Variants in CACNA2D3 observed in about 807,000 individuals in gnomAD.
CACNA2D3 encodes the protein calcium voltage-gated channel auxiliary subunit alpha2delta 3.
A neutral mutation model predicts 160.6 loss-of-function variants in CACNA2D3; 60 were observed. The ratio of observed to expected loss-of-function variants is 0.37; its 90% CI spans 0.30 to 0.46. The LOEUF (loss-of-function observed/expected upper bound fraction) is 0.46. Ranked by LOEUF, CACNA2D3 falls within the 20% of genes least tolerant of loss-of-function variation. CACNA2D3 has a pLI of 1.00. For synonymous variants in CACNA2D3, 558 were observed against 492.9 expected (o/e 1.13, Z -1.75); for missense variants, 1,205 against 1,365.0 (o/e 0.88, Z 1.85).
chr3:54,770,320 T>G (rs1257157837), intron 13 of CACNA2D3, among the ~76,000 whole-genome samples: 3 of 152,206 alleles, frequency 2.0e-5, no homozygotes, highest in Non-Finnish European at 4.4e-5. Flanking sequence ...GTTAACATCA[T>G]TCTCAAACAG....
intron 2 of CACNA2D3, among the ~76,000 whole-genome samples, chr3:54,283,134 C>T (rs1702920470): frequency 6.6e-6 from 1 of 152,174 alleles, no homozygotes; most frequent in African/African-American, 2.4e-5. Context: ...TTATAGGATA[C>T]AAATTGCAGA....
chr3:54,965,391 T>G (rs986277360), intron 27 of CACNA2D3, among the ~76,000 whole-genome samples: 36 of 152,186 alleles, frequency 2.4e-4, no homozygotes, highest in Non-Finnish European at 5.9e-5. Flanking sequence ...CCTTACTGTT[T>G]CCTCCATTTG....
intron 2 of CACNA2D3, among the ~76,000 whole-genome samples, chr3:54,202,899 G>A (rs543794355): frequency 6.6e-6 from 1 of 152,216 alleles, no homozygotes; most frequent in Non-Finnish European, 1.5e-5. Context: ...CTGCTGTCAA[G>A]CAAGGCTTAG....
intron 2 of CACNA2D3, among the ~76,000 whole-genome samples, chr3:54,184,609 A>T (rs1238143385): frequency 6.6e-6 from 1 of 152,332 alleles, no homozygotes; most frequent in Admixed American, 6.5e-5. Context: ...GCTGGCTGAC[A>T]TGTGAAATGG....
chr3:54,422,246 C>T (rs983647437), intron 4 of CACNA2D3, among the ~76,000 whole-genome samples: 2 of 152,200 alleles, frequency 1.3e-5, no homozygotes, highest in Admixed American at 1.3e-4. Flanking sequence ...TGCTGTGACA[C>T]TAAAGATTTT....
At chr3:54,467,008 T>C (rs1700640265) in intron 4 of CACNA2D3, among the ~76,000 whole-genome samples, 1 of 152,220 alleles carries the variant, frequency 6.6e-6, no homozygotes, top group Non-Finnish European at 1.5e-5. Context: ...ATACTAAGAA[T>C]CAACTTTAAG....
intron 2 of CACNA2D3, among the ~76,000 whole-genome samples, chr3:54,234,141 A>G (rs750706122): frequency 2.6e-5 from 4 of 152,220 alleles, no homozygotes; most frequent in Non-Finnish European, 5.9e-5. Flanking sequence ...TCCAGCATCT[A>G]TAAGGATCTT....
intron 2 of CACNA2D3, among the ~76,000 whole-genome samples, chr3:54,278,587 A>G (rs1278417596): frequency 6.6e-6 from 1 of 152,218 alleles, no homozygotes; most frequent in Non-Finnish European, 1.5e-5. Flanking sequence ...ACCAACCCAA[A>G]TGTTCGTCAG....
chr3:54,297,085 T>G (rs1321669295), intron 2 of CACNA2D3, among the ~76,000 whole-genome samples: 1 of 152,200 alleles, frequency 6.6e-6, no homozygotes, highest in Non-Finnish European at 1.5e-5. Context: ...CAGTGTATCT[T>G]TTAAACATGC....
intron 27 of CACNA2D3, among the ~76,000 whole-genome samples, chr3:54,921,240 T>C (rs924831782): frequency 3.9e-5 from 6 of 152,194 alleles, no homozygotes; most frequent in African/African-American, 1.2e-4. Flanking sequence ...GAACATTACG[T>C]AGCTGTGCAG....
At chr3:54,770,665 G>T (rs1278431210) in intron 13 of CACNA2D3, among the ~76,000 whole-genome samples, 3 of 152,180 alleles carry the variant, frequency 2.0e-5, no homozygotes, top group Non-Finnish European at 4.4e-5. Context: ...CTGGACATGT[G>T]ATCTGGAAGG....
chr3:54,522,933 T>TTTATTTATTTATTTATTTAC (rs1252705201), intron 5 of CACNA2D3, among the ~76,000 whole-genome samples: 1 of 135,344 alleles, frequency 7.4e-6, no homozygotes. Flanking sequence ...TATTTATTTA[T>TTTATTTATTTATTTATTTAC]TTACTTACTT....
chr3:54,546,856 C>T (rs56090118), intron 5 of CACNA2D3, among the ~76,000 whole-genome samples: 10,962 of 152,164 alleles, frequency 0.072, 403 homozygotes, highest in Middle Eastern at 0.085. Flanking sequence ...TAAAAGACTC[C>T]CATTTCTTCT....
At chr3:55,039,161 T>C (rs973250223) in intron 35 of CACNA2D3, among the ~76,000 whole-genome samples, 2 of 151,950 alleles carry the variant, frequency 1.3e-5, no homozygotes, top group Non-Finnish European at 2.9e-5. Flanking sequence ...TAGAAAAACC[T>C]AAAAGAGGCA....
At chr3:54,641,223 A>G (rs2106844643) in intron 10 of CACNA2D3, among the ~76,000 whole-genome samples, 1 of 152,390 alleles carries the variant, frequency 6.6e-6, no homozygotes, top group East Asian at 1.9e-4. Context: ...GCAAAGACAT[A>G]ATACATGTAA....
At chr3:54,992,491 T>C (rs1485197659) in intron 31 of CACNA2D3, among the ~76,000 whole-genome samples, 5 of 152,142 alleles carry the variant, frequency 3.3e-5, no homozygotes, top group Non-Finnish European at 7.3e-5. Context: ...AAATGAATCA[T>C]ATCACAAAGT....
intron 27 of CACNA2D3, among the ~76,000 whole-genome samples, chr3:54,904,755 CCTT>C: frequency 1.3e-5 from 2 of 152,290 alleles, no homozygotes; most frequent in South Asian, 4.1e-4. Flanking sequence ...TTCATTTTCA[CCTT>C]CTTTATGTAG....
rs140732966 is a variant in CACNA2D3 at position 54,618,352 on chromosome 3, C to CATATATATATATAT, written c.964-9426_964-9413dup. 8.7e-4 allele frequency among the ~76,000 whole-genome samples: 104 copies of CATATATATATATAT among 119,884 alleles called. 1 individual carries two copies. Among genetic ancestry groups the CATATATATATATAT allele is most frequent in the African/African-American group, 2.8e-3 (87 of 31,198 alleles). 78.6% of individuals were successfully genotyped at this position (119,884 alleles called of 152,430 possible). ...AAGTTCAAATTGATGTTGATACATA[C>CATATATATATATAT]ATATATATATATATATATATATGCA... On this transcript the variant is annotated intron_variant, in intron 9 of 37. Transcript: ENST00000474759.
intron 2 of CACNA2D3, among the ~76,000 whole-genome samples, chr3:54,266,579 AC>A (rs1431417471): frequency 6.6e-6 from 1 of 152,120 alleles, no homozygotes; most frequent in African/African-American, 2.4e-5. Context: ...CCATGTTCAC[AC>A]CAAAGTCTGT....
Sources: allele counts gnomAD v4.1 joint callset (sites outside exome capture counted in the v4.1 genomes callset), GRCh38; gene constraint gnomAD v4.1.1; transcripts MANE v1.5; gene names NCBI Gene and HGNC (gene_info 2026-07-23, HGNC 2026-07-21).